Variants in MAP3K8 observed in about 807,000 individuals in gnomAD.
MAP3K8 encodes mitogen-activated protein kinase kinase kinase 8.
Under a neutral mutation model 45.8 loss-of-function variants are expected in MAP3K8, and 22 were observed. The observed-to-expected ratio is 0.48, with a 90% CI of 0.34 to 0.69. The LOEUF is 0.69. Among genes scored for constraint, MAP3K8 ranks in the 30% least tolerant of loss-of-function variants. MAP3K8 has a pLI of 0.01. For synonymous variants in MAP3K8, 223 were observed against 214.3 expected, an observed-to-expected ratio of 1.04 and a Z score of -0.36; for missense variants, 419 against 585.0, an observed-to-expected ratio of 0.72 and a Z score of 2.93.
At chr10:30,448,886 A>C (rs1564369377) in intron 4 of MAP3K8, among the ~76,000 whole-genome samples, 1 of 152,102 alleles carries the variant, frequency 6.6e-6, no homozygotes, top group Non-Finnish European at 1.5e-5. Flanking sequence ...GCCACCAAAA[A>C]CTAAAAGCTA....
At position 30,460,895 on chromosome 10, in the gene MAP3K8, T is replaced by G; in HGVS notation, c.*59T>G. 2 of 1,600,452 alleles carry G rather than the reference T, an allele frequency of 1.2e-6. No individual in the cohort carries two copies. Among genetic ancestry groups the G allele is most frequent in the East Asian group, 2.2e-5 (1 of 44,792 alleles). On this transcript the variant is annotated 3_prime_UTR_variant, in exon 9 of 9. Coordinates refer to ENST00000263056, the MANE Select transcript of MAP3K8 (RefSeq NM_005204.4). ...TTGATCTCCTGGAGGCTGGTTCTGC[T>G]GCCTCTACACAGGGGCCCTGTACAG...
chr10:30,456,390 C>T (rs1836729022), intron 6 of MAP3K8, among the ~76,000 whole-genome samples: 1 of 152,190 alleles, frequency 6.6e-6, no homozygotes, highest in African/African-American at 2.4e-5. Flanking sequence ...CTCAGTTTCA[C>T]CTGTTTGCTG....
chr10:30,447,631 C>G lies in MAP3K8; in HGVS notation c.337-151C>G, dbSNP rs549359180. On this transcript the variant is annotated intron_variant, in intron 3 of 8. Transcript: ENST00000263056. ...CTTCCTCAAGCTCTAAATATAGTCT[C>G]TGTACAGTTGGTAGGATTAAGCACA... The G allele has an allele frequency of 1.5e-5, 10 of 680,942 alleles. No homozygotes were observed. In the East Asian group the frequency reaches 1.6e-4, roughly 11 times the overall value. 42.2% of individuals were successfully genotyped at this position (680,942 alleles called of 1,614,324 possible).
chr10:30,458,047 G>A, intron 6 of MAP3K8, 37 bp from the exon 7 acceptor site: 1 of 1,413,872 alleles, frequency 7.1e-7, no homozygotes, highest in Non-Finnish European at 9.3e-7. Context: ...ACACAAAGGA[G>A]GGGAATGAAG....
intron 3 of MAP3K8, among the ~76,000 whole-genome samples, chr10:30,445,140 T>A (rs1286406177): frequency 6.6e-6 from 1 of 152,178 alleles, no homozygotes; most frequent in African/African-American, 2.4e-5. Context: ...CTCACACCTG[T>A]AATCCCAGCA....
Position 30,458,249 on chromosome 10 carries a change from CA to C in MAP3K8, c.1026+15del. ...CTACCTGTACATAGTAAGTGGGGTT[CA>C]ACCAGGGCTGGGGGCGGCGGGGGGG... On this transcript the variant is annotated intron_variant, in intron 7 of 8. Coordinates refer to ENST00000263056, the MANE Select transcript of MAP3K8 (RefSeq NM_005204.4). 1 of 1,279,492 alleles carries C rather than the reference CA, an allele frequency of 7.8e-7. No individual in the cohort carries two copies. The highest frequency in any genetic ancestry group is 1.1e-6 in the Non-Finnish European group (1 of 951,546). 79.3% of individuals were successfully genotyped at this position (1,279,492 alleles called of 1,614,324 possible). A position where few individuals can be genotyped will look rare whatever the true frequency, so the allele number is the denominator to read the frequency against.
intron 2 of MAP3K8, chr10:30,438,699 G>A (rs1281368711): frequency 5.0e-6 from 2 of 400,488 alleles, no homozygotes; most frequent in African/African-American, 2.0e-5. Context: ...TGGATCTCAG[G>A]TTTCCCTCTG....
At chr10:30,451,232 G>A (rs1264817421) in intron 5 of MAP3K8, among the ~76,000 whole-genome samples, 2 of 151,978 alleles carry the variant, frequency 1.3e-5, no homozygotes, top group African/African-American at 4.8e-5. Flanking sequence ...CTGTTTTCTA[G>A]GAGTCTGATA....
At chr10:30,439,659 A>T (rs1836033117) in intron 3 of MAP3K8, among the ~76,000 whole-genome samples, 1 of 152,122 alleles carries the variant, frequency 6.6e-6, no homozygotes, top group African/African-American at 2.4e-5. Flanking sequence ...AAAATACAAA[A>T]TTAGCCTGGC....
intron 1 of MAP3K8, among the ~76,000 whole-genome samples, chr10:30,435,437 C>T (rs1835880714): frequency 6.6e-6 from 1 of 152,200 alleles, no homozygotes; most frequent in Admixed American, 6.5e-5. Flanking sequence ...TCGGTCCTTC[C>T]TTCCATACGC....
chr10:30,454,919 C>A (rs1372465839), intron 6 of MAP3K8, among the ~76,000 whole-genome samples: 1 of 152,028 alleles, frequency 6.6e-6, no homozygotes, highest in Non-Finnish European at 1.5e-5. Context: ...ACCCTTTTTC[C>A]TGGAACCAGT....
At chr10:30,445,065 T>C (rs1490370017) in intron 3 of MAP3K8, among the ~76,000 whole-genome samples, 1 of 152,192 alleles carries the variant, frequency 6.6e-6, no homozygotes, top group Admixed American at 6.5e-5. Context: ...GAAATTATCT[T>C]TTGTCCTCTT....
chr10:30,451,189 G>A (rs1016327322), intron 5 of MAP3K8, among the ~76,000 whole-genome samples: 3 of 151,596 alleles, frequency 2.0e-5, no homozygotes, highest in African/African-American at 7.3e-5. Context: ...TTATACCAAT[G>A]TAACAATAAT....
chr10:30,439,784 G>C (rs561514890), intron 3 of MAP3K8, among the ~76,000 whole-genome samples: 2 of 152,356 alleles, frequency 1.3e-5, no homozygotes, highest in Admixed American at 1.3e-4. Context: ...ACTCCAGCCT[G>C]TGTGACTGAG....
At chr10:30,449,691 G>A (rs893614416) in intron 4 of MAP3K8, among the ~76,000 whole-genome samples, 2 of 152,094 alleles carry the variant, frequency 1.3e-5, no homozygotes, top group African/African-American at 4.8e-5. Flanking sequence ...TGTATTTTTT[G>A]TAGTAACGGG....
chr10:30,449,659 C>T (rs1836468494), intron 4 of MAP3K8, among the ~76,000 whole-genome samples: 1 of 152,162 alleles, frequency 6.6e-6, no homozygotes, highest in Non-Finnish European at 1.5e-5. Context: ...CAGGCATGCA[C>T]AACCAATGCC....
At chr10:30,455,824 A>C (rs1159267792) in intron 6 of MAP3K8, among the ~76,000 whole-genome samples, 1 of 152,196 alleles carries the variant, frequency 6.6e-6, no homozygotes, top group Non-Finnish European at 1.5e-5. Context: ...TGTTGGTCCC[A>C]CCAGGGCTGT....
intron 6 of MAP3K8, among the ~76,000 whole-genome samples, chr10:30,456,707 A>C (rs1395166340): frequency 6.6e-6 from 1 of 152,148 alleles, no homozygotes; most frequent in Admixed American, 6.5e-5. Context: ...TAAATTAGGT[A>C]ACTAATTAAT....
intron 6 of MAP3K8, among the ~76,000 whole-genome samples, chr10:30,452,237 A>T (rs951313053): frequency 6.6e-6 from 1 of 152,106 alleles, no homozygotes; most frequent in Non-Finnish European, 1.5e-5. Context: ...TGGGAGGCTG[A>T]GATGGGCGGA....
Sources: allele counts gnomAD v4.1 joint callset (sites outside exome capture counted in the v4.1 genomes callset), GRCh38; gene constraint gnomAD v4.1.1; transcripts MANE v1.5; gene names NCBI Gene and HGNC (gene_info 2026-07-23, HGNC 2026-07-21).